EZH2: variants seen among roughly 807,000 people sequenced by gnomAD.
EZH2 encodes histone-lysine N-methyltransferase EZH2.
In EZH2, 18 loss-of-function variants were observed where a neutral mutation model predicts 98.4. That is an observed-to-expected ratio of 0.18 (90% CI 0.13 to 0.27). The LOEUF (loss-of-function observed/expected upper bound fraction) is 0.27. EZH2 is among the 10% of genes least tolerant of loss of function. The pLI is 1.00. For synonymous variants in EZH2, 338 were observed against 312.3 expected (o/e 1.08, Z -0.87); for missense variants, 470 against 935.1 (o/e 0.50, Z 6.49).
At chr7:148,848,925 C>CA (rs1554410741) in intron 1 of EZH2, among the ~76,000 whole-genome samples, 1 of 146,912 alleles carries the variant, frequency 6.8e-6, no homozygotes, top group Admixed American at 6.8e-5. Flanking sequence ...CTCCCATATA[C>CA]TTTTTTTTTT....
At chr7:148,817,750 G>C (rs1804949280) in intron 10 of EZH2, 127 bp downstream of exon 10, 1 of 1,269,092 alleles carries the variant, frequency 7.9e-7, no homozygotes, top group African/African-American at 1.5e-5. Flanking sequence ...ACACATTCTT[G>C]AGATAACTCT....
intron 3 of EZH2, among the ~76,000 whole-genome samples, chr7:148,838,774 C>T (rs921373471): frequency 1.3e-5 from 2 of 152,064 alleles, no homozygotes; most frequent in Non-Finnish European, 2.9e-5. Flanking sequence ...TGGGCAAGAC[C>T]AGGCGCAGTG....
rs373660941 is a variant in EZH2, at chr7:148,809,293, A to G, written c.2110+17T>C. 16 of 1,598,282 alleles carry G rather than the reference A, an allele frequency of 1.0e-5. No homozygotes were observed. Among genetic ancestry groups the G allele is most frequent in the Non-Finnish European group, 1.3e-5 (15 of 1,166,536 alleles). ...GACTGAAAAGGGAGTTCCAATTCTC[A>G]CGTCAAAGGTACCTACCTTTTGCAT... On this transcript the variant is annotated intron_variant, in intron 18 of 19. Coordinates refer to ENST00000320356, the MANE Select transcript of EZH2 (RefSeq NM_004456.5).
At chr7:148,857,181 C>T (rs1280220895) in intron 1 of EZH2, among the ~76,000 whole-genome samples, 1 of 152,198 alleles carries the variant, frequency 6.6e-6, no homozygotes, top group Non-Finnish European at 1.5e-5. Flanking sequence ...TCTTACAAAA[C>T]ATCTGACCAA....
chr7:148,855,534 T>A (rs899157066), intron 1 of EZH2, among the ~76,000 whole-genome samples: 1 of 152,102 alleles, frequency 6.6e-6, no homozygotes, highest in East Asian at 1.9e-4. Flanking sequence ...AGAGTCATTG[T>A]GAGAAGTAAA....
At chr7:148,881,514 G>A (rs936156786) in intron 1 of EZH2, among the ~76,000 whole-genome samples, 2 of 151,996 alleles carry the variant, frequency 1.3e-5, no homozygotes, top group South Asian at 2.1e-4. Context: ...ATTCTCAATT[G>A]TACCAGAAAA....
intron 1 of EZH2, among the ~76,000 whole-genome samples, chr7:148,854,684 C>T (rs967227782): frequency 1.3e-5 from 2 of 152,170 alleles, no homozygotes; most frequent in African/African-American, 2.4e-5. Flanking sequence ...TCTCAATGTC[C>T]TTCCTTTTAA....
At chr7:148,808,094 T>A (rs922342816) in intron 19 of EZH2, among the ~76,000 whole-genome samples, 1 of 152,058 alleles carries the variant, frequency 6.6e-6, no homozygotes, top group African/African-American at 2.4e-5. Context: ...ATGATGACCA[T>A]AGCAAAGAGG....
Position 148,826,438 on chromosome 7 carries a change from G to A in EZH2, c.907+16C>T, listed in dbSNP as rs1047330173. The A allele has an allele frequency of 6.5e-7, 1 of 1,538,874 alleles. No homozygotes were observed. Among genetic ancestry groups the A allele is most frequent in the African/African-American group, 1.4e-5 (1 of 73,086 alleles). On this transcript the variant is annotated intron_variant, in intron 8 of 19. Coordinates refer to ENST00000320356, the MANE Select transcript of EZH2 (RefSeq NM_004456.5). ...AAAACATAATTCCACAACAAAGATAGAAAATGAAAACGTACAATAATTGCA... is the reference window on the plus strand; with the variant it reads ...AAAACATAATTCCACAACAAAGATAAAAAATGAAAACGTACAATAATTGCA...
At chr7:148,860,566 T>C (rs1198230255) in intron 1 of EZH2, among the ~76,000 whole-genome samples, 1 of 152,220 alleles carries the variant, frequency 6.6e-6, no homozygotes, top group African/African-American at 2.4e-5. Flanking sequence ...ATTAACACCA[T>C]TCTTCAGCAT....
intron 1 of EZH2, among the ~76,000 whole-genome samples, chr7:148,853,106 C>A (rs773822033): frequency 3.9e-5 from 6 of 152,160 alleles, no homozygotes; most frequent in Non-Finnish European, 7.4e-5. Flanking sequence ...CACCTCAGAT[C>A]ATCAGGCATT....
intron 1 of EZH2, among the ~76,000 whole-genome samples, chr7:148,848,922 A>G (rs1368071088): frequency 1.3e-5 from 2 of 151,930 alleles, no homozygotes; most frequent in African/African-American, 2.4e-5. Context: ...AGCCTCCCAT[A>G]TACTTTTTTT....
intron 1 of EZH2, among the ~76,000 whole-genome samples, chr7:148,882,871 G>C (rs1821212707): frequency 2.0e-5 from 3 of 152,328 alleles, no homozygotes; most frequent in African/African-American, 7.2e-5. Flanking sequence ...ACTGTGGACA[G>C]CACACGTTAA....
chr7:148,861,275 G>A (rs1817630449), intron 1 of EZH2, among the ~76,000 whole-genome samples: 1 of 148,614 alleles, frequency 6.7e-6, no homozygotes, highest in Non-Finnish European at 1.5e-5. Flanking sequence ...CACCCAGGCT[G>A]GAGTGCAGTG....
At chr7:148,818,472 T>C (rs1805171754) in intron 9 of EZH2, among the ~76,000 whole-genome samples, 1 of 152,324 alleles carries the variant, frequency 6.6e-6, no homozygotes, top group South Asian at 2.1e-4. Context: ...TCTATGGACA[T>C]ACAGTCTATT....
intron 3 of EZH2, among the ~76,000 whole-genome samples, chr7:148,835,611 C>A (rs1432685331): frequency 6.6e-6 from 1 of 151,686 alleles, no homozygotes; most frequent in Non-Finnish European, 1.5e-5. Flanking sequence ...CAAATACTAT[C>A]CAGTGACTTA....
chr7:148,811,811 C>T (rs1803158358), intron 15 of EZH2, 91 bp from the exon 16 acceptor site: 1 of 1,085,412 alleles, frequency 9.2e-7, no homozygotes, highest in Admixed American at 2.0e-5. Flanking sequence ...CAAAAGCTAT[C>T]ACTGTAAATC....
chr7:148,822,390 G>A (rs1806397663), intron 8 of EZH2, among the ~76,000 whole-genome samples: 1 of 151,488 alleles, frequency 6.6e-6, no homozygotes, highest in Non-Finnish European at 1.5e-5. Flanking sequence ...CATGCCTGTA[G>A]TCCCAGCTAC....
At chr7:148,808,295 C>G (rs1029761794) in intron 19 of EZH2, among the ~76,000 whole-genome samples, 6 of 152,224 alleles carry the variant, frequency 3.9e-5, no homozygotes, top group Non-Finnish European at 4.4e-5. Flanking sequence ...AAAGTGGGCC[C>G]TTCACTCAGA....
Sources: allele counts gnomAD v4.1 joint callset (sites outside exome capture counted in the v4.1 genomes callset), GRCh38; gene constraint gnomAD v4.1.1; transcripts MANE v1.5; gene names NCBI Gene and HGNC (gene_info 2026-07-23, HGNC 2026-07-21).